The following ARID5B variants were observed in gnomAD, a reference collection of about 807,000 sequenced individuals.
The protein encoded by ARID5B is AT-rich interaction domain 5B.
Under a neutral mutation model 97.2 loss-of-function variants are expected in ARID5B, and 13 were observed. That is an observed-to-expected ratio of 0.13 (90% CI 0.09 to 0.21). The LOEUF (loss-of-function observed/expected upper bound fraction) is 0.21. Among genes scored for constraint, ARID5B ranks in the 10% least tolerant of loss-of-function variants. ARID5B has a pLI of 1.00. For missense variants in ARID5B, 1,210 were observed against 1,465.3 expected (o/e 0.83, Z 2.84); for synonymous variants, 556 against 570.3 (o/e 0.97, Z 0.36).
chr10:61,978,040 G>A (rs951478093), intron 3 of ARID5B, among the ~76,000 whole-genome samples: 2 of 152,154 alleles, frequency 1.3e-5, no homozygotes, highest in Non-Finnish European at 2.9e-5. Context: ...TTTTGTATAA[G>A]CTGTAAGGAA....
chr10:61,990,496 G>A (rs891092042), intron 3 of ARID5B, among the ~76,000 whole-genome samples: 1 of 152,184 alleles, frequency 6.6e-6, no homozygotes, highest in Non-Finnish European at 1.5e-5. Flanking sequence ...CTAATGAAAT[G>A]ACTGCTCTTA....
intron 4 of ARID5B, among the ~76,000 whole-genome samples, chr10:62,033,271 T>G (rs1162246759): frequency 1.3e-5 from 2 of 152,206 alleles, no homozygotes; most frequent in African/African-American, 4.8e-5. Context: ...GCATAGTCTC[T>G]CTCTCTCTCT....
intron 4 of ARID5B, among the ~76,000 whole-genome samples, chr10:62,026,948 G>C (rs1309227774): frequency 6.6e-6 from 1 of 152,192 alleles, no homozygotes; most frequent in African/African-American, 2.4e-5. Flanking sequence ...TGCAGAAGGA[G>C]CCAAATAAAA....
chr10:61,940,049 CCAGAATGCACA>C, intron 2 of ARID5B, 123 bp from the exon 3 acceptor site: 1 of 694,800 alleles, frequency 1.4e-6, no homozygotes, highest in Non-Finnish European at 2.5e-6. Flanking sequence ...TTCTGTGTCA[CCAGAATGCACA>C]CAGTCTCCTT....
intron 3 of ARID5B, among the ~76,000 whole-genome samples, chr10:61,998,370 T>C (rs997077209): frequency 6.6e-6 from 1 of 152,314 alleles, no homozygotes. Flanking sequence ...ATATTGAGTG[T>C]TTTCCCTTTG....
At chr10:62,047,083 C>A (rs114809144) in intron 4 of ARID5B, 4 of 152,088 alleles carry the variant, frequency 2.6e-5, no homozygotes, top group African/African-American at 9.6e-5. Flanking sequence ...TGGATAAAGT[C>A]CAGTTGCCTG....
chr10:61,997,219 G>C (rs1401596473), intron 3 of ARID5B, among the ~76,000 whole-genome samples: 2 of 151,888 alleles, frequency 1.3e-5, no homozygotes, highest in Non-Finnish European at 2.9e-5. Context: ...TCATGACTTG[G>C]CTAGTGTTTT....
chr10:62,059,421 T>G, intron 7 of ARID5B, 126 bp downstream of exon 7: 1 of 725,182 alleles, frequency 1.4e-6, no homozygotes, highest in South Asian at 2.1e-5. Context: ...TCTACACTTT[T>G]GGGGGTTTAT....
At chr10:61,964,763 T>A (rs1282222996) in intron 3 of ARID5B, among the ~76,000 whole-genome samples, 2 of 152,302 alleles carry the variant, frequency 1.3e-5, no homozygotes, top group South Asian at 2.1e-4. Flanking sequence ...AGGGGTTAAG[T>A]AGAGAATGAA....
At chr10:61,937,132 G>A (rs1046930409) in intron 2 of ARID5B, among the ~76,000 whole-genome samples, 1 of 152,190 alleles carries the variant, frequency 6.6e-6, no homozygotes, top group Admixed American at 6.5e-5. Context: ...GTGCCCACGG[G>A]GGCCAGATAG....
chr10:62,067,822 C>T (rs1840013692), intron 7 of ARID5B, among the ~76,000 whole-genome samples: 1 of 152,234 alleles, frequency 6.6e-6, no homozygotes, highest in South Asian at 2.1e-4. Flanking sequence ...ACCTGCCTCA[C>T]AGGCTATGGG....
chr10:62,036,512 G>A (rs552409794), intron 4 of ARID5B, among the ~76,000 whole-genome samples: 4 of 152,312 alleles, frequency 2.6e-5, no homozygotes, highest in Admixed American at 2.6e-4. Flanking sequence ...CTGGGAGTAT[G>A]GTGCACAGAA....
At chr10:62,055,425 T>C (rs932768864) in intron 5 of ARID5B, among the ~76,000 whole-genome samples, 1 of 152,096 alleles carries the variant, frequency 6.6e-6, no homozygotes, top group African/African-American at 2.4e-5. Context: ...ATAAACAGCG[T>C]TGAGAATGGA....
Position 61,951,068 on chromosome 10 carries a change from T to A in ARID5B, c.502+10660T>A, listed in dbSNP as rs1481962157. Among the ~76,000 whole-genome samples, 3 of 152,374 alleles carry A rather than the reference T, an allele frequency of 2.0e-5. No individual in the cohort carries two copies. The East Asian group carries it at 5.8e-4, about 29-fold the overall frequency. Reference sequence around the variant, plus strand: ...AGTCTGAAGTTCTGTTGCAACACATTAACTTTCCTAAATGTCAGATTCACT... The same window carrying A: ...AGTCTGAAGTTCTGTTGCAACACATAAACTTTCCTAAATGTCAGATTCACT... On this transcript the variant is annotated intron_variant, in intron 3 of 9. Coordinates refer to ENST00000279873, the MANE Select transcript of ARID5B (RefSeq NM_032199.3).
chr10:61,976,037 G>A (rs1316951616), intron 3 of ARID5B, among the ~76,000 whole-genome samples: 3 of 152,182 alleles, frequency 2.0e-5, no homozygotes, highest in Non-Finnish European at 4.4e-5. Context: ...ACAGGGCCTG[G>A]GTTAAGCACT....
intron 8 of ARID5B, among the ~76,000 whole-genome samples, chr10:62,085,011 A>G (rs1158055134): frequency 2.0e-5 from 3 of 152,190 alleles, no homozygotes; most frequent in Non-Finnish European, 4.4e-5. Flanking sequence ...TTTTTATCTT[A>G]GATGTTTCAT....
At chr10:62,049,627 G>A in intron 4 of ARID5B, 1 of 1,142,560 alleles carries the variant, frequency 8.8e-7, no homozygotes, top group Non-Finnish European at 1.3e-6. Flanking sequence ...GGGATCCTAA[G>A]CCCTAAAGCC....
At chr10:61,941,093 A>G (rs1844402996) in intron 3 of ARID5B, among the ~76,000 whole-genome samples, 1 of 140,838 alleles carries the variant, frequency 7.1e-6, no homozygotes. Flanking sequence ...GCTGCTTCTT[A>G]GCTGTATGGC....
At chr10:62,031,229 G>A (rs1414096983) in intron 4 of ARID5B, among the ~76,000 whole-genome samples, 12 of 152,052 alleles carry the variant, frequency 7.9e-5, no homozygotes, top group African/African-American at 4.8e-5. Flanking sequence ...GCGAGACTCC[G>A]TCTCAAAAAA....
Sources: gnomAD v4.1 joint callset for allele counts (sites outside exome capture counted in the v4.1 genomes callset) on GRCh38, gnomAD v4.1.1 for gene constraint, MANE v1.5 for transcripts, NCBI Gene and HGNC (gene_info 2026-07-23, HGNC 2026-07-21) for gene names.